TIAM2: variants seen among roughly 807,000 people sequenced by gnomAD.
The protein encoded by TIAM2 is TIAM Rac1 associated GEF 2, also known as rho guanine nucleotide exchange factor TIAM2.
TIAM2 carries 80 observed loss-of-function variants against 152.9 expected under a neutral mutation model. That is an observed-to-expected ratio of 0.52 (90% CI 0.44 to 0.63). TIAM2 has a LOEUF of 0.63. Ranked by LOEUF, TIAM2 falls within the 30% of genes least tolerant of loss-of-function variation. The pLI is 0.00. For missense variants in TIAM2, 1,965 were observed against 2,120.1 expected, an observed-to-expected ratio of 0.93 and a Z score of 1.44; for synonymous variants, 804 against 838.0, an observed-to-expected ratio of 0.96 and a Z score of 0.70.
chr6:155,165,530 T>A, intron 9 of TIAM2, 121 bp downstream of exon 9: 1 of 1,373,902 alleles, frequency 7.3e-7, no homozygotes, highest in Non-Finnish European at 9.8e-7. Flanking sequence ...CGAGGTGGGG[T>A]GGCTCACGCC....
chr6:155,171,695 A>G (rs1780591319), intron 9 of TIAM2, among the ~76,000 whole-genome samples: 1 of 152,228 alleles, frequency 6.6e-6, no homozygotes, highest in Non-Finnish European at 1.5e-5. Context: ...ATTAATACAC[A>G]ACCCTACATA....
At chr6:155,104,008 ATTC>A (rs1027542259) in intron 2 of TIAM2, among the ~76,000 whole-genome samples, 1 of 139,928 alleles carries the variant, frequency 7.1e-6, no homozygotes. Context: ...AATAGCATTC[ATTC>A]TTCTTCTGTA....
intron 2 of TIAM2, among the ~76,000 whole-genome samples, chr6:155,110,795 A>G (rs1778829499): frequency 6.6e-6 from 1 of 152,228 alleles, no homozygotes; most frequent in Non-Finnish European, 1.5e-5. Flanking sequence ...GTGATAGGCC[A>G]AGTTATCATT....
intron 20 of TIAM2, among the ~76,000 whole-genome samples, chr6:155,249,471 CTT>C (rs1207686662): frequency 6.6e-6 from 1 of 152,176 alleles, no homozygotes; most frequent in Non-Finnish European, 1.5e-5. Flanking sequence ...CCTGCACTCA[CTT>C]TTCTCATCTG....
chr6:155,194,730 A>T (rs1781295357), intron 14 of TIAM2, among the ~76,000 whole-genome samples: 1 of 152,210 alleles, frequency 6.6e-6, no homozygotes, highest in Non-Finnish European at 1.5e-5. Context: ...AGAAAACCCC[A>T]GGTCTTCCGC....
chr6:155,188,708 C>T (rs1311745803), intron 14 of TIAM2, among the ~76,000 whole-genome samples: 1 of 152,106 alleles, frequency 6.6e-6, no homozygotes, highest in Admixed American at 6.5e-5. Context: ...TAGTGTTTGC[C>T]ATCTTTTGAA....
intron 2 of TIAM2, among the ~76,000 whole-genome samples, chr6:155,090,929 C>A (rs535160797): frequency 6.6e-6 from 1 of 152,086 alleles, no homozygotes; most frequent in South Asian, 2.1e-4. Flanking sequence ...GTGTTGGTGT[C>A]GCAGGTTAAG....
chr6:155,075,814 C>T (rs1420547442), intron 1 of TIAM2, among the ~76,000 whole-genome samples: 2 of 152,216 alleles, frequency 1.3e-5, no homozygotes, highest in African/African-American at 4.8e-5. Context: ...GTCACTATTT[C>T]TGCCATCCGT....
chr6:155,035,060 C>T (rs904434923), intron 1 of TIAM2, among the ~76,000 whole-genome samples: 2 of 152,020 alleles, frequency 1.3e-5, no homozygotes, highest in Non-Finnish European at 2.9e-5. Context: ...GAAGCTTTCA[C>T]AGTTAAGGAG....
intron 1 of TIAM2, among the ~76,000 whole-genome samples, chr6:155,019,280 G>C (rs1188890617): frequency 1.3e-5 from 2 of 152,004 alleles, no homozygotes; most frequent in Non-Finnish European, 2.9e-5. Context: ...GCTGCAGTGA[G>C]CTGAGATTGG....
At chr6:155,047,694 A>AGGG (rs1562300122) in intron 1 of TIAM2, among the ~76,000 whole-genome samples, 3 of 7,558 alleles carry the variant, frequency 4.0e-4, no homozygotes, top group African/African-American at 1.1e-3. Flanking sequence ...GAGAGGAGAG[A>AGGG]GAGAGAGAGA....
At chr6:155,197,473 G>A (rs549266139) in intron 14 of TIAM2, among the ~76,000 whole-genome samples, 4 of 152,202 alleles carry the variant, frequency 2.6e-5, no homozygotes, top group South Asian at 2.1e-4. Context: ...CCATGACCCC[G>A]AAATGCCAGT....
chr6:155,173,188 T>A (rs1217042061), intron 9 of TIAM2, among the ~76,000 whole-genome samples: 2 of 139,652 alleles, frequency 1.4e-5, no homozygotes, highest in East Asian at 3.9e-4. Context: ...TGTGTGTGTG[T>A]GTGTGTGTGT....
intron 4 of TIAM2, among the ~76,000 whole-genome samples, chr6:155,133,508 G>A (rs1279882213): frequency 6.6e-6 from 1 of 152,012 alleles, no homozygotes; most frequent in African/African-American, 2.4e-5. Flanking sequence ...ATAGAATATA[G>A]TGTTATTAAC....
chr6:155,150,453 G>A (rs1779927586), intron 7 of TIAM2, among the ~76,000 whole-genome samples: 1 of 152,134 alleles, frequency 6.6e-6, no homozygotes, highest in Admixed American at 6.5e-5. Context: ...AGGTGTGAAG[G>A]ATTTCCAGGC....
At chr6:155,165,196 T>C in intron 8 of TIAM2, 67 bp from the exon 9 acceptor site, 1 of 1,503,012 alleles carries the variant, frequency 6.7e-7, no homozygotes, top group Non-Finnish European at 8.9e-7. Flanking sequence ...AGAGCTCACT[T>C]CCTTCATTTT....
At chr6:155,030,992 A>G (rs1776811115) in intron 1 of TIAM2, among the ~76,000 whole-genome samples, 1 of 152,182 alleles carries the variant, frequency 6.6e-6, no homozygotes, top group South Asian at 2.1e-4. Flanking sequence ...TTGGTGAAAT[A>G]AGTTCCTGTG....
At chr6:155,164,702 A>G in intron 8 of TIAM2, 102 bp downstream of exon 8, 1 of 1,387,120 alleles carries the variant, frequency 7.2e-7, no homozygotes, top group Non-Finnish European at 9.8e-7. Context: ...GGCTTGACCC[A>G]ACAACTGACA....
chr6:155,071,219 T>G (rs1347425836), intron 1 of TIAM2, among the ~76,000 whole-genome samples: 1 of 152,106 alleles, frequency 6.6e-6, no homozygotes, highest in Non-Finnish European at 1.5e-5. Flanking sequence ...TGTGTTTATG[T>G]GTTACAGAAA....
Sources: allele counts gnomAD v4.1 joint callset (sites outside exome capture counted in the v4.1 genomes callset), GRCh38; gene constraint gnomAD v4.1.1; transcripts MANE v1.5; gene names NCBI Gene and HGNC (gene_info 2026-07-23, HGNC 2026-07-21).